AKAP7: variants seen among roughly 807,000 people sequenced by gnomAD.
AKAP7 encodes the protein A-kinase anchoring protein 7, also known as A kinase (PRKA) anchor protein 7.
AKAP7 carries 39 observed loss-of-function variants against 39.5 expected under a neutral mutation model. That is an observed-to-expected ratio of 0.99 (90% CI 0.76 to 1.29). AKAP7 has a LOEUF of 1.29. Ranked by LOEUF, AKAP7 falls within the 50% of genes most tolerant of loss-of-function variation. AKAP7 has a pLI of 0.00. For synonymous variants in AKAP7, 140 were observed against 139.1 expected (o/e 1.01, Z -0.05); for missense variants, 414 against 407.7 (o/e 1.02, Z -0.13).
At chr6:131,267,441 C>T (rs1322203108) in intron 7 of AKAP7, among the ~76,000 whole-genome samples, 1 of 152,138 alleles carries the variant, frequency 6.6e-6, no homozygotes, top group Non-Finnish European at 1.5e-5. Flanking sequence ...ACCTTGAAGA[C>T]GAGCCTTAAT....
Position 131,197,775 on chromosome 6 carries a change from C to G in AKAP7, c.590-1686C>G, listed in dbSNP as rs1042915480. Among the ~76,000 whole-genome samples the G allele has an allele frequency of 7.2e-5, 11 of 152,096 alleles. 1 individual carries two copies. The highest frequency in any genetic ancestry group is 2.7e-4 in the African/African-American group (11 of 41,412). On this transcript the variant is annotated intron_variant, in intron 5 of 7. Coordinates refer to ENST00000431975, the MANE Select transcript of AKAP7 (RefSeq NM_016377.4). ...CTTGTTGGGGTGATCAGACTCAACA[C>G]CAGGCCGTGGGGGCTACGAAGTCCG...
chr6:131,277,927 C>T (rs985549914), intron 7 of AKAP7, among the ~76,000 whole-genome samples: 1 of 152,128 alleles, frequency 6.6e-6, no homozygotes, highest in Non-Finnish European at 1.5e-5. Context: ...GTCTTACTGA[C>T]CAGGTTCATC....
chr6:131,156,298 G>C (rs1252063390), intron 2 of AKAP7, among the ~76,000 whole-genome samples: 1 of 151,980 alleles, frequency 6.6e-6, no homozygotes, highest in Non-Finnish European at 1.5e-5. Context: ...TAAAAAAAGG[G>C]GGTCTTGCTT....
At chr6:131,145,155 A>T in intron 1 of AKAP7, 130 bp from the exon 2 acceptor site, 1 of 539,670 alleles carries the variant, frequency 1.9e-6, no homozygotes, top group South Asian at 6.6e-5. Flanking sequence ...ATATTTGAAC[A>T]CAAGTAGTAC....
At chr6:131,194,794 C>CT (rs1205677855) in intron 5 of AKAP7, among the ~76,000 whole-genome samples, 1 of 152,102 alleles carries the variant, frequency 6.6e-6, no homozygotes, top group Admixed American at 6.6e-5. Flanking sequence ...CAATGACCTT[C>CT]TTTGCCTCTT....
chr6:131,168,577 T>C (rs1483012011), intron 4 of AKAP7, among the ~76,000 whole-genome samples: 2 of 152,286 alleles, frequency 1.3e-5, no homozygotes, highest in East Asian at 1.9e-4. Context: ...TAGTTACAAT[T>C]GGGGAATATA....
intron 7 of AKAP7, among the ~76,000 whole-genome samples, chr6:131,272,139 G>A (rs190532469): frequency 5.7e-4 from 86 of 152,206 alleles, no homozygotes; most frequent in African/African-American, 2.0e-3. Context: ...CGTCTAGTTT[G>A]TTGCATCTCT....
At chr6:131,183,929 G>A (rs1309031397) in intron 5 of AKAP7, among the ~76,000 whole-genome samples, 4 of 152,172 alleles carry the variant, frequency 2.6e-5, no homozygotes, top group Non-Finnish European at 5.9e-5. Flanking sequence ...GCCTCTGGGG[G>A]ATGGGAAAAC....
chr6:131,195,422 T>C (rs1806829963), intron 5 of AKAP7, among the ~76,000 whole-genome samples: 3 of 152,306 alleles, frequency 2.0e-5, no homozygotes, highest in African/African-American at 7.2e-5. Context: ...ATTATTTTGA[T>C]TGGTTCATTG....
chr6:131,239,744 G>T (rs1333785084), intron 7 of AKAP7, among the ~76,000 whole-genome samples: 2 of 152,156 alleles, frequency 1.3e-5, no homozygotes, highest in Non-Finnish European at 2.9e-5. Flanking sequence ...TCGTGTCTTG[G>T]TTTTCAGCTT....
chr6:131,171,540 G>C (rs987648151), intron 5 of AKAP7, among the ~76,000 whole-genome samples: 1 of 152,144 alleles, frequency 6.6e-6, no homozygotes, highest in African/African-American at 2.4e-5. Flanking sequence ...GTATGCTAAA[G>C]GGAGCAGTGA....
rs764185928 is a variant in AKAP7, at chr6:131,281,485, G to A, written c.851-45G>A. ...CGGCCCCTGCATGCCAAGTTTCTAT[G>A]GCAATGTGATCTCAGTGACCTCTCT... is the stretch of plus-strand genomic sequence containing the variant. On this transcript the variant is annotated intron_variant, in intron 7 of 7. Transcript: ENST00000431975. The surrounding 1 kb of genome is among the most constrained non-coding windows in gnomAD (Gnocchi z 4.0). 2.7e-6 allele frequency: 4 copies of A among 1,480,098 alleles called. No homozygotes were observed. The highest frequency in any genetic ancestry group is 3.6e-6 in the Non-Finnish European group (4 of 1,103,144). The allele number at this position is 1,480,098 out of a possible 1,614,324, so 91.7% of individuals were successfully genotyped here.
chr6:131,126,513 T>C, the AKAP7 span, among the ~76,000 whole-genome samples: 5 of 152,222 alleles, frequency 3.3e-5, no homozygotes, highest in African/African-American at 7.2e-5. Flanking sequence ...CCATTAGAGT[T>C]GACTCTTTAA....
chr6:131,282,488 G>A lies in AKAP7; in HGVS notation c.*762G>A. On this transcript the variant is annotated 3_prime_UTR_variant, in exon 8 of 8. Transcript: ENST00000431975. ...GAAGTCCAAAGTGAAACAGATAAAG[G>A]AACTTTTATTAAAGCCTGAGACTCA... is the stretch of plus-strand genomic sequence containing the variant. 1 of 1,535,714 alleles carries A rather than the reference G, an allele frequency of 6.5e-7. No individual in the cohort carries two copies.
At chr6:131,208,827 C>G (rs1808370369) in intron 6 of AKAP7, among the ~76,000 whole-genome samples, 3 of 152,172 alleles carry the variant, frequency 2.0e-5, no homozygotes. Context: ...TGGGCAGCCT[C>G]CATCTAGGAC....
At chr6:131,198,029 T>G (rs1172365659) in intron 5 of AKAP7, among the ~76,000 whole-genome samples, 1 of 152,146 alleles carries the variant, frequency 6.6e-6, no homozygotes, top group South Asian at 2.1e-4. Context: ...ATATGACTAC[T>G]TGAGATAATG....
At chr6:131,233,489 A>C (rs1266978706) in intron 7 of AKAP7, among the ~76,000 whole-genome samples, 3 of 152,206 alleles carry the variant, frequency 2.0e-5, no homozygotes, top group Non-Finnish European at 4.4e-5. Flanking sequence ...TCTTAGCATC[A>C]TGCCTGGACA....
chr6:131,179,911 T>TA (rs1191078582), intron 5 of AKAP7, among the ~76,000 whole-genome samples: 1 of 151,800 alleles, frequency 6.6e-6, no homozygotes, highest in African/African-American at 2.4e-5. Flanking sequence ...AATAAATAAA[T>TA]AAGTTGTTAA....
At chr6:131,156,328 ATTATAT>A (rs1291421669) in intron 2 of AKAP7, among the ~76,000 whole-genome samples, 1 of 152,154 alleles carries the variant, frequency 6.6e-6, no homozygotes, top group African/African-American at 2.4e-5. Flanking sequence ...ATTTTTCAAC[ATTATAT>A]TTAATTTAAA....
Sources: allele counts gnomAD v4.1 joint callset (sites outside exome capture counted in the v4.1 genomes callset), GRCh38; gene constraint gnomAD v4.1.1; non-coding constraint Gnocchi (gnomAD v3.1); transcripts MANE v1.5; gene names NCBI Gene and HGNC (gene_info 2026-07-23, HGNC 2026-07-21).